Variants in CTNND2 observed in about 807,000 individuals in gnomAD.
The protein encoded by CTNND2 is catenin delta 2, also known as catenin delta-2.
CTNND2 carries 22 observed loss-of-function variants against 144.4 expected under a neutral mutation model. The observed-to-expected ratio is 0.15, with a 90% CI of 0.11 to 0.22. The LOEUF (loss-of-function observed/expected upper bound fraction) is 0.22, where lower values mean the gene tolerates loss of function less well. Ranked by LOEUF, CTNND2 falls within the 10% of genes least tolerant of loss-of-function variation. CTNND2 has a pLI of 1.00. For synonymous variants in CTNND2, 751 were observed against 695.6 expected (o/e 1.08, Z -1.25); for missense variants, 1,353 against 1,618.8 (o/e 0.84, Z 2.82).
chr5:11,206,087 T>C (rs1738013229), intron 10 of CTNND2, among the ~76,000 whole-genome samples: 1 of 152,262 alleles, frequency 6.6e-6, no homozygotes. Flanking sequence ...TTTTAAAGGA[T>C]ATTCTTAATT....
intron 5 of CTNND2, among the ~76,000 whole-genome samples, chr5:11,409,658 T>C (rs1224775609): frequency 6.6e-6 from 1 of 152,070 alleles, no homozygotes; most frequent in Non-Finnish European, 1.5e-5. Flanking sequence ...ATAACTCCCA[T>C]CTTTGGCCCT....
chr5:11,222,232 A>T (rs1191457877), intron 10 of CTNND2, among the ~76,000 whole-genome samples: 1 of 152,182 alleles, frequency 6.6e-6, no homozygotes, highest in Non-Finnish European at 1.5e-5. Context: ...CCAAAGAAGA[A>T]ATGGAGTTAA....
At chr5:11,087,748 G>A (rs1030410585) in intron 15 of CTNND2, among the ~76,000 whole-genome samples, 1 of 152,192 alleles carries the variant, frequency 6.6e-6, no homozygotes, top group African/African-American at 2.4e-5. Flanking sequence ...TGCATGTTTA[G>A]TGTTTTTTGT....
At chr5:11,739,753 G>A (rs1480344006) in intron 1 of CTNND2, among the ~76,000 whole-genome samples, 4 of 152,118 alleles carry the variant, frequency 2.6e-5, no homozygotes, top group Non-Finnish European at 4.4e-5. Flanking sequence ...AAGTCAAATT[G>A]TACCTGTTTC....
At chr5:11,585,522 A>ATCTATCTG (rs1252030258) in intron 2 of CTNND2, among the ~76,000 whole-genome samples, 66 of 151,664 alleles carry the variant, frequency 4.4e-4, no homozygotes, top group South Asian at 1.0e-3. Context: ...CTATCTATCT[A>ATCTATCTG]TATCAGATTC....
intron 1 of CTNND2, among the ~76,000 whole-genome samples, chr5:11,801,838 T>C (rs949153391): frequency 2.0e-5 from 3 of 152,200 alleles, no homozygotes; most frequent in Admixed American, 2.0e-4. Flanking sequence ...TACAGTGATT[T>C]GTTTAACAAA....
chr5:11,840,115 C>T (rs1309213382), intron 1 of CTNND2, among the ~76,000 whole-genome samples: 1 of 151,968 alleles, frequency 6.6e-6, no homozygotes, highest in African/African-American at 2.4e-5. Flanking sequence ...AAAATTGTAA[C>T]TACATCTGAG....
At chr5:11,556,767 C>T (rs1406559565) in intron 3 of CTNND2, among the ~76,000 whole-genome samples, 1 of 151,724 alleles carries the variant, frequency 6.6e-6, no homozygotes, top group Non-Finnish European at 1.5e-5. Context: ...TGCAAAAGTT[C>T]AATAGTTCAA....
intron 9 of CTNND2, among the ~76,000 whole-genome samples, chr5:11,268,365 T>C (rs1745662750): frequency 1.3e-5 from 2 of 152,096 alleles, no homozygotes; most frequent in African/African-American, 4.8e-5. Context: ...GGCAGATCAC[T>C]TGAGGCCAAG....
chr5:11,115,219 G>A (rs571772014), intron 13 of CTNND2, among the ~76,000 whole-genome samples: 35 of 152,326 alleles, frequency 2.3e-4, no homozygotes, highest in African/African-American at 8.2e-4. Flanking sequence ...AAGTCTCCCA[G>A]GTTTTAGGAA....
At chr5:11,626,124 C>T (rs1781138229) in intron 2 of CTNND2, among the ~76,000 whole-genome samples, 1 of 152,134 alleles carries the variant, frequency 6.6e-6, no homozygotes, top group Admixed American at 6.6e-5. Flanking sequence ...GGCAACCCAA[C>T]TCAAATGCCA....
At chr5:11,777,257 C>T (rs1315181992) in intron 1 of CTNND2, among the ~76,000 whole-genome samples, 1 of 152,202 alleles carries the variant, frequency 6.6e-6, no homozygotes, top group Non-Finnish European at 1.5e-5. Context: ...CCTCAATCAA[C>T]AGGACGTTTG....
intron 18 of CTNND2, among the ~76,000 whole-genome samples, chr5:11,009,877 A>G (rs960855043): frequency 1.2e-4 from 7 of 59,282 alleles, no homozygotes; most frequent in Non-Finnish European, 1.9e-4. Context: ...TTTTGGACAG[A>G]TATCATATGA....
chr5:11,530,217 G>A (rs904802257), intron 3 of CTNND2, among the ~76,000 whole-genome samples: 2 of 151,790 alleles, frequency 1.3e-5, no homozygotes, highest in African/African-American at 4.8e-5. Context: ...ATAATATCTC[G>A]ATACATAATG....
At chr5:11,224,146 T>C (rs1172810701) in intron 10 of CTNND2, among the ~76,000 whole-genome samples, 1 of 152,200 alleles carries the variant, frequency 6.6e-6, no homozygotes, top group Non-Finnish European at 1.5e-5. Context: ...TCCTCTTTAG[T>C]TGTAATTCTG....
At chr5:10,990,890 G>C (rs375893003) in intron 19 of CTNND2, among the ~76,000 whole-genome samples, 1 of 152,210 alleles carries the variant, frequency 6.6e-6, no homozygotes. Flanking sequence ...AGCCCTTGCC[G>C]ATCCATCATG....
At position 11,627,051 on chromosome 5, in the gene CTNND2, T is replaced by C. The variant is rs1019502897; in HGVS notation, c.175-61995A>G. Among the ~76,000 whole-genome samples, 3 of 152,172 alleles carry C rather than the reference T, an allele frequency of 2.0e-5. No homozygotes were observed. The East Asian group carries it at 5.8e-4, about 29-fold the overall frequency. On this transcript the variant is annotated intron_variant, in intron 2 of 21. Coordinates refer to ENST00000304623, the MANE Select transcript of CTNND2 (RefSeq NM_001332.4). Reference sequence around the variant, plus strand: ...ATTTGCAGAGGTGTTAGGAAAGTGTTTGAAAAATTGCTGGTGATCACTATG... The same window carrying C: ...ATTTGCAGAGGTGTTAGGAAAGTGTCTGAAAAATTGCTGGTGATCACTATG...
intron 3 of CTNND2, among the ~76,000 whole-genome samples, chr5:11,453,240 T>G (rs925529392): frequency 1.3e-5 from 2 of 152,138 alleles, no homozygotes; most frequent in Non-Finnish European, 2.9e-5. Flanking sequence ...AATAAATCAT[T>G]AGCACCATCC....
At chr5:11,339,858 T>C (rs1286453065) in intron 9 of CTNND2, among the ~76,000 whole-genome samples, 2 of 152,212 alleles carry the variant, frequency 1.3e-5, no homozygotes, top group Non-Finnish European at 2.9e-5. Context: ...ATTCTTTTCA[T>C]ATCAAGCTAC....
Sources: allele counts gnomAD v4.1 joint callset (sites outside exome capture counted in the v4.1 genomes callset), GRCh38; gene constraint gnomAD v4.1.1; transcripts MANE v1.5; gene names NCBI Gene and HGNC (gene_info 2026-07-23, HGNC 2026-07-21).